CD200: variants seen among roughly 807,000 people sequenced by gnomAD.
CD200 encodes the protein OX-2 membrane glycoprotein.
CD200 carries 15 observed loss-of-function variants against 30.9 expected under a neutral mutation model. The observed-to-expected ratio is 0.49, with a 90% confidence interval of 0.32 to 0.75. CD200 has a LOEUF of 0.75. Ranked by LOEUF, CD200 falls within the 30% of genes least tolerant of loss-of-function variation. The probability of loss-of-function intolerance (pLI) is 0.03; values close to 1 mark genes in which losing one functional copy is unlikely to be tolerated. For synonymous variants in CD200, 134 were observed against 126.2 expected (o/e 1.06, Z -0.41); for missense variants, 262 against 324.2 (o/e 0.81, Z 1.47).
At chr3:112,339,842 C>T (rs1438177506) in intron 1 of CD200, among the ~76,000 whole-genome samples, 1 of 152,190 alleles carries the variant, frequency 6.6e-6, no homozygotes, top group Non-Finnish European at 1.5e-5. Flanking sequence ...GAGGGGAACA[C>T]AGCCATTTTA....
At position 112,342,271 on chromosome 3, in the gene CD200, G is replaced by GTCCTTCCT. The variant is rs745418625; in HGVS notation, c.94+1318_94+1325dup. 7.0e-4 allele frequency among the ~76,000 whole-genome samples: 53 copies of GTCCTTCCT among 75,672 alleles called. 8 individuals are homozygous for GTCCTTCCT. Among genetic ancestry groups the GTCCTTCCT allele is most frequent in the African/African-American group, 2.2e-3 (39 of 17,564 alleles). The allele number at this position is 75,672 out of a possible 152,430, so 49.6% of individuals were successfully genotyped here. On this transcript the variant is annotated intron_variant, in intron 2 of 5. Coordinates refer to ENST00000315711, the MANE Select transcript of CD200 (RefSeq NM_005944.7). The stretch of plus-strand genomic sequence containing the variant: ...AGAATTAAATGTTTCTCTGAGAACT[G>GTCCTTCCT]TCCTTCCTTCCTTCCTTCCTTCCTT...
At chr3:112,340,105 T>A (rs1052220453) in intron 1 of CD200, among the ~76,000 whole-genome samples, 1 of 152,226 alleles carries the variant, frequency 6.6e-6, no homozygotes, top group Admixed American at 6.5e-5. Context: ...TTACATTTTT[T>A]AATCATCTCT....
At chr3:112,341,807 C>T (rs751597131) in intron 2 of CD200, among the ~76,000 whole-genome samples, 1 of 152,206 alleles carries the variant, frequency 6.6e-6, no homozygotes, top group Non-Finnish European at 1.5e-5. Flanking sequence ...ACTCTGCCTT[C>T]TAAAAGCAGT....
intron 1 of CD200, among the ~76,000 whole-genome samples, chr3:112,339,904 C>A (rs1490383166): frequency 3.9e-5 from 6 of 152,168 alleles, no homozygotes; most frequent in Non-Finnish European, 5.9e-5. Flanking sequence ...AGTCCTGTCT[C>A]ATAGCTGGGC....
At chr3:112,343,617 C>T (rs965517884) in intron 2 of CD200, among the ~76,000 whole-genome samples, 6 of 151,954 alleles carry the variant, frequency 3.9e-5, no homozygotes, top group African/African-American at 9.7e-5. Context: ...TTTCAAATTT[C>T]CTATTTAACT....
intron 2 of CD200, 49 bp from the exon 3 acceptor site, chr3:112,344,913 T>C (rs2081350098): frequency 3.1e-6 from 4 of 1,306,362 alleles, no homozygotes; most frequent in Admixed American, 4.3e-5. Context: ...GGAAAAAGTG[T>C]ATGTGTGTTA....
intron 5 of CD200, among the ~76,000 whole-genome samples, chr3:112,352,512 C>T (rs1165498157): frequency 6.7e-6 from 1 of 149,880 alleles, no homozygotes; most frequent in Non-Finnish European, 1.5e-5. Flanking sequence ...GTGATGTGAA[C>T]AGAAACACTA....
chr3:112,338,081 C>T (rs1031231263), intron 1 of CD200, among the ~76,000 whole-genome samples: 13 of 152,180 alleles, frequency 8.5e-5, no homozygotes, highest in Non-Finnish European at 1.2e-4. Flanking sequence ...CCAACAGATA[C>T]GGTGGACCAA....
At chr3:112,337,429 C>T (rs948019286) in intron 1 of CD200, among the ~76,000 whole-genome samples, 2 of 151,980 alleles carry the variant, frequency 1.3e-5, no homozygotes, top group Non-Finnish European at 2.9e-5. Context: ...CGGGAAATTG[C>T]GTGGTGCGTT....
At chr3:112,338,842 T>C (rs1559780454) in intron 1 of CD200, among the ~76,000 whole-genome samples, 1 of 152,256 alleles carries the variant, frequency 6.6e-6, no homozygotes, top group South Asian at 2.1e-4. Context: ...ACTTTATACA[T>C]AGGGGAGGCA....
intron 5 of CD200, among the ~76,000 whole-genome samples, chr3:112,354,009 T>G (rs2081584211): frequency 6.6e-6 from 1 of 152,206 alleles, no homozygotes; most frequent in Non-Finnish European, 1.5e-5. Flanking sequence ...GCAAAAATTT[T>G]ACAAATTTTG....
intron 4 of CD200, 33 bp from the exon 5 acceptor site, chr3:112,349,679 T>C: frequency 6.3e-7 from 1 of 1,581,572 alleles, no homozygotes; most frequent in South Asian, 1.2e-5. Flanking sequence ...TCATGTGATG[T>C]CATTTTCCTT....
At chr3:112,342,227 T>G (rs1232902026) in intron 2 of CD200, among the ~76,000 whole-genome samples, 3 of 152,078 alleles carry the variant, frequency 2.0e-5, no homozygotes, top group Admixed American at 6.6e-5. Context: ...GTATCTCTTC[T>G]TTTCTATTAA....
At chr3:112,358,082 GCACACA>G (rs1200092576) in intron 5 of CD200, among the ~76,000 whole-genome samples, 39 of 152,050 alleles carry the variant, frequency 2.6e-4, no homozygotes, top group African/African-American at 8.2e-4. Context: ...TCACACACGC[GCACACA>G]CACGCACACG....
chr3:112,342,364 T>A (rs1056626182), intron 2 of CD200, among the ~76,000 whole-genome samples: 1 of 29,846 alleles, frequency 3.4e-5, no homozygotes, highest in Non-Finnish European at 7.0e-5. Context: ...TTTCTTTCTT[T>A]CTTTCTTTCT....
At chr3:112,333,101 G>C (rs776788735), upstream of CD200, 92 of 1,485,954 alleles carry the variant, frequency 6.2e-5, no homozygotes, top group Non-Finnish European at 8.1e-5. Flanking sequence ...TAGCGAGGAG[G>C]AAGAGGCGGG....
intron 2 of CD200, among the ~76,000 whole-genome samples, chr3:112,342,317 CT>C (rs1309651471): frequency 0.065 from 2,681 of 41,446 alleles, 540 homozygotes; most frequent in East Asian, 0.11. Flanking sequence ...TTTCTTCTTT[CT>C]TTCTTTCTTT....
chr3:112,338,258 C>T (rs1445181603), intron 1 of CD200, among the ~76,000 whole-genome samples: 1 of 152,110 alleles, frequency 6.6e-6, no homozygotes, highest in African/African-American at 2.4e-5. Context: ...AATTCCATAT[C>T]TAGGTAGGGG....
At chr3:112,335,730 A>C (rs371108552) in intron 1 of CD200, 4 of 553,442 alleles carry the variant, frequency 7.2e-6, no homozygotes, top group African/African-American at 5.7e-5. Context: ...GGAGATAGTG[A>C]TGGAGACTCC....
Sources: gnomAD v4.1 joint callset for allele counts (sites outside exome capture counted in the v4.1 genomes callset) on GRCh38, gnomAD v4.1.1 for gene constraint, MANE v1.5 for transcripts, NCBI Gene and HGNC (gene_info 2026-07-23, HGNC 2026-07-21) for gene names.